The following RTTN variants were observed in gnomAD, a reference collection of about 807,000 sequenced individuals.
The protein encoded by RTTN is rotatin.
RTTN carries 182 observed loss-of-function variants against 269.2 expected under a neutral mutation model. That is an observed-to-expected ratio of 0.68 (90% CI 0.60 to 0.76). The LOEUF (loss-of-function observed/expected upper bound fraction) is 0.76. Ranked by LOEUF, RTTN falls within the 30% of genes least tolerant of loss-of-function variation. RTTN has a pLI of 0.00. For synonymous variants in RTTN, 1,006 were observed against 963.5 expected, an observed-to-expected ratio of 1.04 and a Z score of -0.82; for missense variants, 2,545 against 2,608.6, an observed-to-expected ratio of 0.98 and a Z score of 0.53.
chr18:70,134,770 T>G, intron 22 of RTTN, among the ~76,000 whole-genome samples: 1 of 152,132 alleles, frequency 6.6e-6, no homozygotes, highest in East Asian at 1.9e-4. Context: ...TACAATGCAG[T>G]GGTGGGACTA....
At chr18:70,176,917 A>G in intron 10 of RTTN, 72 bp from the exon 11 acceptor site, 2 of 1,146,018 alleles carry the variant, frequency 1.7e-6, no homozygotes, top group Non-Finnish European at 2.5e-6. Flanking sequence ...AAAGCCATGG[A>G]GAACAGTTTA....
At chr18:70,036,945 CCT>C (rs1379937021) in intron 40 of RTTN, among the ~76,000 whole-genome samples, 1 of 152,224 alleles carries the variant, frequency 6.6e-6, no homozygotes, top group Non-Finnish European at 1.5e-5. Context: ...GCAGCAGCTG[CCT>C]GGTATGGCGA....
At chr18:70,176,622 C>A in intron 11 of RTTN, 53 bp downstream of exon 11, 1 of 1,469,414 alleles carries the variant, frequency 6.8e-7, no homozygotes, top group Non-Finnish European at 9.2e-7. Flanking sequence ...TACAACAGAG[C>A]ATTTATTTAT....
chr18:70,109,615 G>A lies in RTTN; in HGVS notation c.3786C>T (p.Ser1262=). Reference sequence around the variant, plus strand: ...CCATCCCTCGTAAGGTCCGCTCAAGGGACGGCAGGCCATAGAAATGAGGCG... The same window carrying A: ...CCATCCCTCGTAAGGTCCGCTCAAGAGACGGCAGGCCATAGAAATGAGGCG... ...TDAPHFYGLP[S]LERTLRGMAN... is the part of the protein sequence containing the mutation. Residue 1262 remains serine (S), a synonymous_variant, in exon 28 of 49, where the codon TCC becomes TCT. Coordinates refer to ENST00000640769, the MANE Select transcript of RTTN (RefSeq NM_173630.4). 6.2e-7 allele frequency: 1 copy of A among 1,614,008 alleles called. No individual in the cohort carries two copies. The highest frequency in any genetic ancestry group is 1.7e-4 in the Middle Eastern group (1 of 6,060).
intron 37 of RTTN, among the ~76,000 whole-genome samples, chr18:70,055,627 T>C (rs2057796139): frequency 6.6e-6 from 1 of 152,140 alleles, no homozygotes; most frequent in African/African-American, 2.4e-5. Context: ...TCTACACTAC[T>C]GAAATTATAG....
rs567606737 is a variant in RTTN, at chr18:70,088,391, T to TA, written c.4144-245dup. Among the ~76,000 whole-genome samples, 451 of 152,290 alleles carry TA rather than the reference T, an allele frequency of 3.0e-3. 1 individual carries two copies. Among genetic ancestry groups the TA allele is most frequent in the Non-Finnish European group, 4.8e-3 (325 of 68,004 alleles). On this transcript the variant is annotated intron_variant, in intron 30 of 48. Coordinates refer to ENST00000640769, the MANE Select transcript of RTTN (RefSeq NM_173630.4). Reference sequence around the variant, plus strand: ...GTAAAACTGGGTATAAAAAGATGCATAAAAATTATAGTTTGCAAGCCTTTT... The same window carrying TA: ...GTAAAACTGGGTATAAAAAGATGCATAAAAAATTATAGTTTGCAAGCCTTTT...
intron 19 of RTTN, 111 bp downstream of exon 19, chr18:70,142,177 C>T (rs1388099672): frequency 3.0e-6 from 2 of 665,634 alleles, no homozygotes; most frequent in East Asian, 5.4e-5. Context: ...AAAAAGGCCA[C>T]AGGCTGGATC....
At chr18:70,135,899 C>G (rs1056572509) in intron 21 of RTTN, among the ~76,000 whole-genome samples, 4 of 152,182 alleles carry the variant, frequency 2.6e-5, no homozygotes, top group African/African-American at 7.2e-5. Context: ...AACATTAAGT[C>G]TCAGTTCCCA....
At chr18:70,201,631 A>AAT in intron 4 of RTTN, among the ~76,000 whole-genome samples, 1 of 150,584 alleles carries the variant, frequency 6.6e-6, no homozygotes, top group Non-Finnish European at 1.5e-5. Context: ...AAAAAAAAAA[A>AAT]AAACTCATGT....
At chr18:70,059,734 TA>T (rs1387133936) in intron 36 of RTTN, 115 bp downstream of exon 36, 5 of 688,960 alleles carry the variant, frequency 7.3e-6, no homozygotes, top group Non-Finnish European at 8.8e-6. Flanking sequence ...TCAATGAGCC[TA>T]AAAAAGAATA....
intron 33 of RTTN, 51 bp from the exon 34 acceptor site, chr18:70,074,045 CAATT>C: frequency 8.0e-7 from 1 of 1,249,952 alleles, no homozygotes; most frequent in South Asian, 1.2e-5. Context: ...GGAACTGTAA[CAATT>C]AATTAAAAGG....
intron 32 of RTTN, among the ~76,000 whole-genome samples, chr18:70,082,313 T>A (rs900518346): frequency 1.3e-5 from 2 of 152,200 alleles, no homozygotes; most frequent in African/African-American, 2.4e-5. Context: ...CAATGTTTCC[T>A]GGGTACATGT....
chr18:70,079,293 C>A (rs1196940847), intron 32 of RTTN, among the ~76,000 whole-genome samples: 1 of 151,740 alleles, frequency 6.6e-6, no homozygotes, highest in Non-Finnish European at 1.5e-5. Context: ...CAAAAGAAAA[C>A]CGAGTAATCT....
At chr18:70,200,328 A>C (rs1247127152) in intron 4 of RTTN, among the ~76,000 whole-genome samples, 2 of 152,252 alleles carry the variant, frequency 1.3e-5, no homozygotes, top group Non-Finnish European at 2.9e-5. Flanking sequence ...CTTACACCAC[A>C]CAGTAAAAAT....
intron 36 of RTTN, 42 bp from the exon 37 acceptor site, chr18:70,057,874 T>C (rs551113511): frequency 2.2e-6 from 3 of 1,351,910 alleles, no homozygotes; most frequent in Non-Finnish European, 2.1e-6. Flanking sequence ...AAGATTAGTA[T>C]ACTTTTTATT....
At chr18:70,127,420 T>G in intron 25 of RTTN, 82 bp downstream of exon 25, 3 of 1,499,360 alleles carry the variant, frequency 2.0e-6, no homozygotes, top group South Asian at 2.6e-5. Flanking sequence ...GGGCATAGAC[T>G]CTTATCTTCA....
In RTTN at chr18:70,145,740, T is replaced by C. The variant is rs1354085304; in HGVS notation, c.2353A>G (p.Ser785Gly). 1 of 1,613,064 alleles carries C rather than the reference T, an allele frequency of 6.2e-7. No individual in the cohort carries two copies. The highest frequency in any genetic ancestry group is 2.2e-5 in the East Asian group (1 of 44,866). Residue 785 changes from serine (S) to glycine (G), a missense_variant, in exon 18 of 49, where the codon AGT becomes GGT. Physicochemically the swap from Ser to Gly is moderately conservative, Grantham distance 56 (BLOSUM62 0). Transcript: ENST00000640769. ...ALKLLAFHLT[S>G]EEGADTKRPL... ...CGCTTTGTATCAGCCCCTTCTTCAC[T>C]GGTAAGATGGAATGCTAAAAGCTTT...
At chr18:70,077,738 A>T (rs570459066) in intron 32 of RTTN, among the ~76,000 whole-genome samples, 1 of 151,916 alleles carries the variant, frequency 6.6e-6, no homozygotes, top group Admixed American at 6.6e-5. Flanking sequence ...ACACAAATTT[A>T]TAACTAAATC....
At chr18:70,141,367 C>T (rs766680672) in intron 19 of RTTN, among the ~76,000 whole-genome samples, 6 of 152,110 alleles carry the variant, frequency 3.9e-5, no homozygotes, top group East Asian at 1.9e-4. Context: ...AACAACACTA[C>T]AAACAAAGCT....
Sources: gnomAD v4.1 joint callset for allele counts (sites outside exome capture counted in the v4.1 genomes callset) on GRCh38, gnomAD v4.1.1 for gene constraint, MANE v1.5 for transcripts, NCBI Gene and HGNC (gene_info 2026-07-23, HGNC 2026-07-21) for gene names.